The following LCORL variants were observed in gnomAD, a reference collection of about 807,000 sequenced individuals.
LCORL encodes ligand-dependent nuclear receptor corepressor-like protein.
A neutral mutation model predicts 141.8 loss-of-function variants in LCORL; 41 were observed. The ratio of observed to expected loss-of-function variants is 0.29; its 90% CI spans 0.23 to 0.38. The LOEUF is 0.38. Ranked by LOEUF, LCORL falls within the 10% of genes least tolerant of loss-of-function variation. LCORL has a pLI of 1.00. For synonymous variants in LCORL, 618 were observed against 694.1 expected, an observed-to-expected ratio of 0.89 and a Z score of 1.72; for missense variants, 1,759 against 2,035.0, an observed-to-expected ratio of 0.86 and a Z score of 2.61.
chr4:17,992,600 T>C (rs1720216980), intron 1 of LCORL, among the ~76,000 whole-genome samples: 1 of 152,262 alleles, frequency 6.6e-6, no homozygotes. Flanking sequence ...CTTGAGTTGC[T>C]AGATTCAATT....
chr4:17,957,739 T>G (rs1712964574), intron 4 of LCORL, among the ~76,000 whole-genome samples: 1 of 152,018 alleles, frequency 6.6e-6, no homozygotes, highest in African/African-American at 2.4e-5. Context: ...AAAAATCTTT[T>G]CATGAACACC....
intron 1 of LCORL, among the ~76,000 whole-genome samples, chr4:17,986,583 T>C (rs898067069): frequency 2.4e-4 from 36 of 152,200 alleles, no homozygotes; most frequent in African/African-American, 8.7e-4. Flanking sequence ...GATATTCTTG[T>C]AGTGTGTTTT....
chr4:17,952,468 T>C lies in LCORL; in HGVS notation c.430+9435A>G, dbSNP rs193054986. Among the ~76,000 whole-genome samples, 54 of 148,816 alleles carry C rather than the reference T, an allele frequency of 3.6e-4. No individual in the cohort carries two copies. The East Asian group carries it at 0.01, about 29-fold the overall frequency. ...ACTTGTTCTGTCGCCCAGGCTGGAG[T>C]GCAGTGGCGCGATCTCGGCTCACTG... On this transcript the variant is annotated intron_variant, in intron 4 of 7. Transcript: ENST00000635767.
chr4:17,894,604 C>T (rs1450934888), intron 5 of LCORL, among the ~76,000 whole-genome samples: 1 of 152,136 alleles, frequency 6.6e-6, no homozygotes, highest in Non-Finnish European at 1.5e-5. Flanking sequence ...TCTTTAATGT[C>T]CAGCTTAATA....
At chr4:17,928,628 G>C (rs925980740) in intron 4 of LCORL, among the ~76,000 whole-genome samples, 3 of 152,044 alleles carry the variant, frequency 2.0e-5, no homozygotes, top group Admixed American at 1.3e-4. Flanking sequence ...CTGGAAACAT[G>C]GTACTTAATG....
At chr4:17,885,291 T>C (rs932945935) in intron 6 of LCORL, among the ~76,000 whole-genome samples, 2 of 151,994 alleles carry the variant, frequency 1.3e-5, no homozygotes, top group East Asian at 1.9e-4. Flanking sequence ...CAAGTAGATG[T>C]TATATTTGAA....
chr4:17,867,437 C>T (rs1367948200), intron 7 of LCORL, among the ~76,000 whole-genome samples: 1 of 151,954 alleles, frequency 6.6e-6, no homozygotes, highest in African/African-American at 2.4e-5. Flanking sequence ...AGGCAATATA[C>T]GAGTGAATGA....
At chr4:17,953,394 C>T (rs1711865950) in intron 4 of LCORL, among the ~76,000 whole-genome samples, 1 of 152,206 alleles carries the variant, frequency 6.6e-6, no homozygotes, top group South Asian at 2.1e-4. Context: ...TTCTCCACAA[C>T]TTCGCCTGCA....
exon 5 of LCORL, chr4:17,909,098 C>T: frequency 6.3e-7 from 1 of 1,588,774 alleles, no homozygotes; most frequent in Non-Finnish European, 8.5e-7. Flanking sequence ...TCTTACCTTG[C>T]TGAGTATTTT....
At chr4:17,914,597 T>G (rs1419743510) in intron 4 of LCORL, among the ~76,000 whole-genome samples, 1 of 152,208 alleles carries the variant, frequency 6.6e-6, no homozygotes, top group Non-Finnish European at 1.5e-5. Flanking sequence ...AGCTGCTGAC[T>G]GGTTAGTCAG....
chr4:17,914,294 T>C (rs541057257), intron 4 of LCORL, among the ~76,000 whole-genome samples: 1 of 152,362 alleles, frequency 6.6e-6, no homozygotes, highest in East Asian at 1.9e-4. Flanking sequence ...TTAGGTATTT[T>C]AGCTAACTGT....
At chr4:17,918,925 A>G (rs1216302223) in intron 4 of LCORL, among the ~76,000 whole-genome samples, 1 of 152,216 alleles carries the variant, frequency 6.6e-6, no homozygotes, top group Non-Finnish European at 1.5e-5. Context: ...AAAGACAAAG[A>G]ATAAATTTTG....
intron 4 of LCORL, among the ~76,000 whole-genome samples, chr4:17,957,227 T>C (rs1261771839): frequency 6.6e-6 from 1 of 152,014 alleles, no homozygotes; most frequent in Non-Finnish European, 1.5e-5. Context: ...AATACTTTAA[T>C]GCCATGGCTT....
intron 4 of LCORL, among the ~76,000 whole-genome samples, chr4:17,927,132 A>G (rs974761055): frequency 6.6e-6 from 1 of 152,232 alleles, no homozygotes; most frequent in African/African-American, 2.4e-5. Flanking sequence ...CCGTATCAGC[A>G]CTTGCTGCTT....
intron 4 of LCORL, among the ~76,000 whole-genome samples, chr4:17,947,847 T>C (rs1577509999): frequency 6.6e-6 from 1 of 152,102 alleles, no homozygotes; most frequent in Admixed American, 6.6e-5. Context: ...TAATTTATGT[T>C]CCATTTTGCA....
At chr4:17,925,958 T>G (rs1401425286) in intron 4 of LCORL, among the ~76,000 whole-genome samples, 1 of 152,114 alleles carries the variant, frequency 6.6e-6, no homozygotes, top group Admixed American at 6.5e-5. Context: ...TCATTTCCTT[T>G]CTTTTCCCTT....
At chr4:17,877,978 T>C in exon 7 of LCORL, 1 of 1,230,660 alleles carries the variant, frequency 8.1e-7, no homozygotes, top group Non-Finnish European at 1.0e-6. Context: ...TATTCACAAC[T>C]ACAGAACAGA....
rs534703511 is a variant in LCORL, at chr4:17,908,101, C to T, written c.682+993G>A. On this transcript the variant is annotated intron_variant, in intron 5 of 7. Transcript: ENST00000635767. ...AGGCTGGAGTGCAATGGTATGATCT[C>T]GGCTCACGGCAACCTCTGCCTCCTG... 5.3e-5 allele frequency among the ~76,000 whole-genome samples: 8 copies of T among 152,124 alleles called. No homozygotes were observed. The South Asian group carries it at 1.0e-3, about 20-fold the overall frequency.
intron 5 of LCORL, among the ~76,000 whole-genome samples, chr4:17,901,386 TAAAAA>T (rs66571587): frequency 4.8e-4 from 67 of 141,050 alleles, no homozygotes; most frequent in Non-Finnish European, 8.5e-4. Context: ...GAAAATGAAA[TAAAAA>T]AAAAAACAAC....
Sources: gnomAD v4.1 joint callset for allele counts (sites outside exome capture counted in the v4.1 genomes callset) on GRCh38, gnomAD v4.1.1 for gene constraint, MANE v1.5 for transcripts, NCBI Gene and HGNC (gene_info 2026-07-23, HGNC 2026-07-21) for gene names.